Variants in IQCH observed in about 807,000 individuals in gnomAD.
IQCH encodes the protein IQ motif containing H.
Under a neutral mutation model 117.0 loss-of-function variants are expected in IQCH, and 98 were observed. The observed-to-expected ratio is 0.84, with a 90% CI of 0.71 to 0.99. IQCH has a LOEUF of 0.99. Ranked by LOEUF, IQCH falls within the 50% of genes least tolerant of loss-of-function variation. The pLI is 0.00. For missense variants in IQCH, 1,102 were observed against 1,243.8 expected, an observed-to-expected ratio of 0.89 and a Z score of 1.72; for synonymous variants, 412 against 448.2, an observed-to-expected ratio of 0.92 and a Z score of 1.02.
In IQCH at chr15:67,496,159, T is replaced by C. The variant is rs1414483766; in HGVS notation, c.2970+1793T>C. On this transcript the variant is annotated intron_variant, in intron 20 of 20. Coordinates refer to ENST00000335894, the MANE Select transcript of IQCH (RefSeq NM_001031715.3). This position sits in a 1 kb window ranked among gnomAD's most constrained non-coding sequence, Gnocchi z 4.4. ...TGGTGAAACCCCATCTCTACAAAAATTACAAAAATTAGCCAGGTGTGGTGG... is the reference window on the plus strand; with the variant it reads ...TGGTGAAACCCCATCTCTACAAAAACTACAAAAATTAGCCAGGTGTGGTGG... Among the ~76,000 whole-genome samples the C allele has an allele frequency of 6.6e-6, 1 of 150,702 alleles. No individual in the cohort carries two copies. The highest frequency in any genetic ancestry group is 1.5e-5 in the Non-Finnish European group (1 of 67,536).
chr15:67,300,650 G>A (rs1966980264), intron 4 of IQCH, among the ~76,000 whole-genome samples: 1 of 152,124 alleles, frequency 6.6e-6, no homozygotes, highest in Non-Finnish European at 1.5e-5. Flanking sequence ...TTAGTAAATA[G>A]CCTCTCTCAA....
chr15:67,267,788 A>C (rs910925368), intron 3 of IQCH, among the ~76,000 whole-genome samples: 1 of 152,228 alleles, frequency 6.6e-6, no homozygotes, highest in Non-Finnish European at 1.5e-5. Context: ...CACTTTATCT[A>C]TGGAAACCCA....
intron 6 of IQCH, among the ~76,000 whole-genome samples, chr15:67,349,381 G>GGCCAAGTTGGGTGGATC (rs922573577): frequency 6.6e-6 from 1 of 152,204 alleles, no homozygotes; most frequent in Non-Finnish European, 1.5e-5. Flanking sequence ...CACTTTGGGA[G>GGCCAAGTTGGGTGGATC]GCCAAGTTGG....
chr15:67,328,049 T>C lies in IQCH; in HGVS notation c.388-8926T>C, dbSNP rs145426143. Among the ~76,000 whole-genome samples the C allele has an allele frequency of 2.6e-3, 389 of 152,358 alleles. 1 individual carries two copies. Among genetic ancestry groups the C allele is most frequent in the Non-Finnish European group, 3.7e-3 (251 of 68,026 alleles). On this transcript the variant is annotated intron_variant, in intron 4 of 20. Coordinates refer to ENST00000335894, the MANE Select transcript of IQCH (RefSeq NM_001031715.3). ...ATTACACACACATAAATCTCAACTG[T>C]TGAAGTTCCCTTCTTTCAAGATCAG...
chr15:67,299,078 CAAAAA>C (rs36031731), intron 4 of IQCH, among the ~76,000 whole-genome samples: 1 of 107,064 alleles, frequency 9.3e-6, no homozygotes, highest in African/African-American at 3.7e-5. Flanking sequence ...TATATTCAGC[CAAAAA>C]AAAAAAAAAA....
chr15:67,437,401 GAAC>G (rs1431453563), intron 16 of IQCH, among the ~76,000 whole-genome samples: 2 of 152,184 alleles, frequency 1.3e-5, no homozygotes, highest in African/African-American at 4.8e-5. Context: ...AAAAGAATCT[GAAC>G]AACAGGCTGC....
At chr15:67,389,372 C>A (rs923271516) in intron 12 of IQCH, among the ~76,000 whole-genome samples, 1 of 151,976 alleles carries the variant, frequency 6.6e-6, no homozygotes, top group Admixed American at 6.5e-5. Context: ...CAGAACTAGA[C>A]CAGGCCCTCT....
At chr15:67,293,913 A>G (rs1003833231) in intron 4 of IQCH, among the ~76,000 whole-genome samples, 7 of 152,182 alleles carry the variant, frequency 4.6e-5, no homozygotes, top group African/African-American at 1.7e-4. Flanking sequence ...CTTGTAGACC[A>G]TTGTGAGACT....
rs374891576 is a variant in IQCH at position 67,408,674 on chromosome 15, T to TC, written c.2098-8252dup. On this transcript the variant is annotated intron_variant, in intron 14 of 20. Transcript: ENST00000335894. The surrounding 1 kb of genome is among the most constrained non-coding windows in gnomAD (Gnocchi z 4.2). ...ATTTCATTCCACAAACTTACTCCTC[T>TC]CCCCCACTACTTGAATGAAAAATCA... is the stretch of plus-strand genomic sequence containing the variant. Among the ~76,000 whole-genome samples, 1 of 152,110 alleles carries TC rather than the reference T, an allele frequency of 6.6e-6. No homozygotes were observed. The highest frequency in any genetic ancestry group is 2.4e-5 in the African/African-American group (1 of 41,426).
Position 67,445,479 on chromosome 15 carries a change from G to A in IQCH, c.2506-19648G>A, listed in dbSNP as rs966131392. Among the ~76,000 whole-genome samples, 8 of 152,010 alleles carry A rather than the reference G, an allele frequency of 5.3e-5. No homozygotes were observed. Among genetic ancestry groups the A allele is most frequent in the East Asian group, 3.9e-4 (2 of 5,170 alleles). On this transcript the variant is annotated intron_variant, in intron 16 of 20. Coordinates refer to ENST00000335894, the MANE Select transcript of IQCH (RefSeq NM_001031715.3). The surrounding 1 kb of genome is among the most constrained non-coding windows in gnomAD (Gnocchi z 4.3). ...TTTTGAGATGGAGTCTTGCTCTGTC[G>A]CCAGGCTGGATTGCAGTGGTGCAAT... is the stretch of plus-strand genomic sequence containing the variant.
intron 4 of IQCH, among the ~76,000 whole-genome samples, chr15:67,300,142 T>G (rs1966953165): frequency 6.6e-6 from 1 of 152,184 alleles, no homozygotes; most frequent in South Asian, 2.1e-4. Context: ...TGCTTAATTC[T>G]TTTATTTATC....
rs756443869 is a variant in IQCH, at chr15:67,372,353, GC to G, written c.997del (p.Leu333Ter). 13 of 1,614,062 alleles carry G rather than the reference GC, an allele frequency of 8.1e-6. No homozygotes were observed. In the East Asian group the frequency reaches 2.2e-4, roughly 28 times the overall value. The part of the protein sequence containing the change: ...NLVALLPEFE[L>X]TNKLTRYDLL... ...TGGTGGCCCTCCTTCCAGAGTTTGA[GC>G]TGACGAATAAACTTACCAGATATGA... On this transcript the variant is annotated frameshift_variant, in exon 9 of 21. Transcript: ENST00000335894. LOFTEE classifies it high-confidence loss of function.
chr15:67,346,964 A>C (rs1220837033), intron 6 of IQCH, among the ~76,000 whole-genome samples: 1 of 152,170 alleles, frequency 6.6e-6, no homozygotes. Flanking sequence ...TATTAAAAAA[A>C]TATTTTGAAT....
rs113921347 is a variant in IQCH, at chr15:67,277,943, C to T, written c.270-1452C>T. 5.7e-3 allele frequency among the ~76,000 whole-genome samples: 866 copies of T among 152,284 alleles called. 7 individuals carry two copies. The highest frequency in any genetic ancestry group is 0.02 in the African/African-American group (818 of 41,560). On this transcript the variant is annotated intron_variant, in intron 3 of 20. Transcript: ENST00000335894. ...TTTGCAGTCTTTCATCTATAATCTT[C>T]TGTTATTCAGGGGCTCTGTAAATGT...
chr15:67,398,425 C>A (rs1971536711), intron 13 of IQCH, among the ~76,000 whole-genome samples: 1 of 152,020 alleles, frequency 6.6e-6, no homozygotes, highest in South Asian at 2.1e-4. Context: ...GGTTTGTAGA[C>A]CAGAGTTCTG....
intron 4 of IQCH, among the ~76,000 whole-genome samples, chr15:67,322,342 T>C (rs1360226259): frequency 6.6e-6 from 1 of 152,210 alleles, no homozygotes; most frequent in Non-Finnish European, 1.5e-5. Context: ...GGTATATCAG[T>C]CTTTTCTGTT....
chr15:67,313,767 T>C (rs1391093358), intron 4 of IQCH, among the ~76,000 whole-genome samples: 1 of 152,200 alleles, frequency 6.6e-6, no homozygotes, highest in Non-Finnish European at 1.5e-5. Context: ...CAGGGCTTAA[T>C]GCAGACAGCT....
chr15:67,446,026 T>C (rs2082383187), intron 16 of IQCH, among the ~76,000 whole-genome samples: 1 of 152,106 alleles, frequency 6.6e-6, no homozygotes, highest in Non-Finnish European at 1.5e-5. Flanking sequence ...AGTTCCGAAG[T>C]CAAATAGAAG....
intron 18 of IQCH, among the ~76,000 whole-genome samples, chr15:67,486,453 A>G (rs1407765322): frequency 6.6e-6 from 1 of 152,214 alleles, no homozygotes; most frequent in Non-Finnish European, 1.5e-5. Flanking sequence ...AAAAAATCCA[A>G]TAAATATCCC....
Sources: gnomAD v4.1 joint callset for allele counts (sites outside exome capture counted in the v4.1 genomes callset) on GRCh38, gnomAD v4.1.1 for gene constraint, Gnocchi (gnomAD v3.1) non-coding constraint, MANE v1.5 for transcripts, NCBI Gene and HGNC (gene_info 2026-07-23, HGNC 2026-07-21) for gene names.